The following KCNN2 variants were observed in gnomAD, a reference collection of about 807,000 sequenced individuals.
KCNN2 encodes the protein small conductance calcium-activated potassium channel protein 2.
A neutral mutation model predicts 55.5 loss-of-function variants in KCNN2; 24 were observed. The ratio of observed to expected loss-of-function variants is 0.43; its 90% CI spans 0.31 to 0.61. The LOEUF is 0.61. Among genes scored for constraint, KCNN2 ranks in the 20% least tolerant of loss-of-function variants. KCNN2 has a pLI of 0.08. For missense variants in KCNN2, 754 were observed against 853.6 expected (o/e 0.88, Z 1.45); for synonymous variants, 431 against 336.1 (o/e 1.28, Z -3.09).
chr5:114,400,857 C>T (rs1461632745), intron 2 of KCNN2, among the ~76,000 whole-genome samples: 2 of 152,164 alleles, frequency 1.3e-5, no homozygotes, highest in African/African-American at 4.8e-5. Flanking sequence ...ATGACCACAT[C>T]TACTGTCATC....
At chr5:114,373,521 T>C (rs1757827257) in intron 2 of KCNN2, among the ~76,000 whole-genome samples, 1 of 150,042 alleles carries the variant, frequency 6.7e-6, no homozygotes, top group African/African-American at 2.4e-5. Flanking sequence ...CATTCCCAGC[T>C]CTGCCACTAA....
chr5:114,420,100 T>C (rs337715), intron 3 of KCNN2, among the ~76,000 whole-genome samples: 33,352 of 152,238 alleles, frequency 0.22, 5,979 homozygotes, highest in African/African-American at 0.5. Context: ...TTTAACTTCA[T>C]TGACCTTGGG....
At chr5:114,328,794 T>G (rs1756755326) in intron 2 of KCNN2, among the ~76,000 whole-genome samples, 1 of 152,188 alleles carries the variant, frequency 6.6e-6, no homozygotes, top group East Asian at 1.9e-4. Flanking sequence ...TAGGCAACCC[T>G]GAATGAGAAC....
chr5:114,200,308 G>A (rs1753647695), intron 1 of KCNN2, among the ~76,000 whole-genome samples: 2 of 151,356 alleles, frequency 1.3e-5, no homozygotes, highest in Admixed American at 1.3e-4. Context: ...GCTGTCAAAT[G>A]TATTTTGTAT....
chr5:114,236,629 A>AT (rs1208368325), intron 2 of KCNN2, among the ~76,000 whole-genome samples: 30 of 152,066 alleles, frequency 2.0e-4, no homozygotes, highest in African/African-American at 7.0e-4. Context: ...CCTTCATCTG[A>AT]TTTTGCTGCC....
intron 2 of KCNN2, among the ~76,000 whole-genome samples, chr5:114,252,719 C>G (rs1165588353): frequency 1.3e-5 from 2 of 151,480 alleles, no homozygotes; most frequent in Non-Finnish European, 1.5e-5. Flanking sequence ...AACTTGATAG[C>G]CAGGACAAGC....
At chr5:114,205,513 C>T (rs1030102394) in intron 1 of KCNN2, among the ~76,000 whole-genome samples, 10 of 151,848 alleles carry the variant, frequency 6.6e-5, no homozygotes, top group African/African-American at 2.2e-4. Flanking sequence ...AATAGAAGTG[C>T]GAATTAAAAA....
At chr5:114,236,292 G>A (rs1416469716) in intron 2 of KCNN2, among the ~76,000 whole-genome samples, 6 of 151,870 alleles carry the variant, frequency 4.0e-5, no homozygotes, top group African/African-American at 1.5e-4. Context: ...GTGTGTAGTT[G>A]GTGTACTTAT....
intron 3 of KCNN2, among the ~76,000 whole-genome samples, chr5:114,441,939 A>T (rs1760229462): frequency 6.6e-6 from 1 of 152,204 alleles, no homozygotes; most frequent in African/African-American, 2.4e-5. Context: ...CATGTTTTAA[A>T]ACTTAACTGC....
intron 1 of KCNN2, among the ~76,000 whole-genome samples, chr5:114,182,572 A>G (rs1753260983): frequency 6.6e-6 from 1 of 152,082 alleles, no homozygotes; most frequent in South Asian, 2.1e-4. Flanking sequence ...GGTTTTTAGT[A>G]TAGAGGATTT....
chr5:114,119,319 A>G (rs1275112209), intron 1 of KCNN2, among the ~76,000 whole-genome samples: 2 of 152,234 alleles, frequency 1.3e-5, no homozygotes, highest in African/African-American at 4.8e-5. Flanking sequence ...GTACTTAGAT[A>G]CACAAAAGTC....
chr5:114,220,745 G>T (rs922063285), intron 1 of KCNN2, among the ~76,000 whole-genome samples: 2 of 149,412 alleles, frequency 1.3e-5, no homozygotes, highest in Non-Finnish European at 3.0e-5. Flanking sequence ...AGAATTGCTT[G>T]AACCCAGGAG....
intron 1 of KCNN2, among the ~76,000 whole-genome samples, chr5:114,080,734 T>C (rs1490368806): frequency 6.6e-6 from 1 of 152,066 alleles, no homozygotes; most frequent in Non-Finnish European, 1.5e-5. Context: ...TGATACTCAA[T>C]AATGAAAGAC....
At chr5:114,148,637 T>A (rs1387943146) in intron 1 of KCNN2, among the ~76,000 whole-genome samples, 1 of 151,894 alleles carries the variant, frequency 6.6e-6, no homozygotes, top group African/African-American at 2.4e-5. Context: ...TCTAAAAGGA[T>A]GAGAGGAATG....
At position 114,349,505 on chromosome 5, in the gene KCNN2, A is replaced by G. The variant is rs527963939; in HGVS notation, c.-184-11440A>G. The stretch of plus-strand genomic sequence containing the variant: ...TGAAACAAAAATGAATTATGTGTTT[A>G]GACTTGGGTCTCATCCCCAAGATCT... On this transcript the variant is annotated intron_variant, in intron 2 of 10. Transcript: ENST00000512097. 7.3e-4 allele frequency among the ~76,000 whole-genome samples: 111 copies of G among 152,224 alleles called. 2 individuals carry two copies. Among genetic ancestry groups the G allele is most frequent in the African/African-American group, 2.5e-3 (103 of 41,562 alleles).
In KCNN2 at chr5:114,408,104, A is replaced by G. The variant is rs183624390; in HGVS notation, c.1637+3248A>G. ...GGGTGAGGGGTTTGGTTCTCAGTGC[A>G]TGTGCGGTTGCCTCTTGGTTTTTCA... On this transcript the variant is annotated intron_variant, in intron 3 of 7. Transcript: ENST00000673685. Among the ~76,000 whole-genome samples the G allele has an allele frequency of 3.0e-4, 45 of 152,016 alleles. No individual in the cohort carries two copies. The East Asian group carries it at 5.0e-3, about 17-fold the overall frequency.
intron 1 of KCNN2, among the ~76,000 whole-genome samples, chr5:114,184,419 A>C (rs1027841365): frequency 6.6e-5 from 10 of 152,206 alleles, no homozygotes; most frequent in African/African-American, 2.4e-4. Flanking sequence ...TGTAGAAAGA[A>C]AAATGGAGCT....
upstream of KCNN2, among the ~76,000 whole-genome samples, chr5:114,360,231 A>G (rs1443818104): frequency 2.0e-5 from 3 of 152,210 alleles, no homozygotes; most frequent in Non-Finnish European, 4.4e-5. Context: ...CACACAAAAA[A>G]TTAAAATTAA....
At chr5:114,056,391 T>G in exon 1 of KCNN2, 1 of 398,670 alleles carries the variant, frequency 2.5e-6, no homozygotes, top group Non-Finnish European at 4.4e-6. Flanking sequence ...GAATTCTCAG[T>G]GGACTCGATC....
Sources: gnomAD v4.1 joint callset for allele counts (sites outside exome capture counted in the v4.1 genomes callset) on GRCh38, gnomAD v4.1.1 for gene constraint, MANE v1.5 for transcripts, NCBI Gene and HGNC (gene_info 2026-07-23, HGNC 2026-07-21) for gene names.